Variants in PREP observed in about 807,000 individuals in gnomAD.
PREP encodes the protein prolyl endopeptidase.
Under a neutral mutation model 87.6 loss-of-function variants are expected in PREP, and 29 were observed. The observed-to-expected ratio is 0.33, with a 90% confidence interval of 0.25 to 0.45. The LOEUF is 0.45. PREP is among the 20% of genes least tolerant of loss of function. PREP has a pLI of 1.00. For synonymous variants in PREP, 337 were observed against 328.6 expected, an observed-to-expected ratio of 1.03 and a Z score of -0.28; for missense variants, 695 against 886.5, an observed-to-expected ratio of 0.78 and a Z score of 2.74.
At chr6:105,382,597 T>G (rs1175387176) in intron 2 of PREP, among the ~76,000 whole-genome samples, 1 of 152,058 alleles carries the variant, frequency 6.6e-6, no homozygotes, top group Non-Finnish European at 1.5e-5. Flanking sequence ...AATTACTCAT[T>G]AAATAAATAT....
intron 7 of PREP, among the ~76,000 whole-genome samples, chr6:105,343,170 C>A (rs951693708): frequency 5.3e-5 from 8 of 152,040 alleles, no homozygotes; most frequent in Admixed American, 2.0e-4. Context: ...TACTGGTACC[C>A]AAACAGAGAT....
intron 5 of PREP, among the ~76,000 whole-genome samples, 186 bp from the exon 6 acceptor site, chr6:105,369,210 A>G (rs1772473539): frequency 6.6e-6 from 1 of 152,244 alleles, no homozygotes; most frequent in Admixed American, 6.5e-5. Context: ...ATTAGAAACA[A>G]TACATTAGCA....
chr6:105,377,248 T>C, intron 3 of PREP, 138 bp downstream of exon 3: 3 of 1,004,032 alleles, frequency 3.0e-6, no homozygotes, highest in Non-Finnish European at 4.4e-6. Flanking sequence ...AATATTACTC[T>C]CATATTCAGG....
rs1207082381 is a variant in PREP at position 105,275,220 on chromosome 6, G to A, written c.*2924C>T. ...CTTCTGGGCATTAGCTATGTGGCCT[G>A]CTGGGAACTTCCAGAGGCTGGTAAA... On this transcript the variant is annotated 3_prime_UTR_variant, in exon 15 of 15. Coordinates refer to ENST00000652536, the MANE Select transcript of PREP (RefSeq NM_002726.5). Among the ~76,000 whole-genome samples, 1 of 152,230 alleles carries A rather than the reference G, an allele frequency of 6.6e-6. No homozygotes were observed. Among genetic ancestry groups the A allele is most frequent in the Admixed American group, 6.5e-5 (1 of 15,292 alleles).
chr6:105,390,058 A>G (rs925894687), intron 2 of PREP, among the ~76,000 whole-genome samples: 3 of 152,232 alleles, frequency 2.0e-5, no homozygotes, highest in Non-Finnish European at 4.4e-5. Context: ...AGAGATGATC[A>G]GAAGTCCTTT....
chr6:105,314,673 C>G (rs373219213), intron 10 of PREP, among the ~76,000 whole-genome samples: 143 of 152,340 alleles, frequency 9.4e-4, no homozygotes, highest in African/African-American at 3.3e-3. Flanking sequence ...TCTGCAGTGA[C>G]TTCCCCCATA....
intron 11 of PREP, among the ~76,000 whole-genome samples, chr6:105,286,816 T>G (rs1327399038): frequency 6.8e-6 from 1 of 147,272 alleles, no homozygotes; most frequent in African/African-American, 2.6e-5. Flanking sequence ...TGGTCTCTCC[T>G]GAGACTACTA....
intron 14 of PREP, chr6:105,280,694 G>A (rs1008518032): frequency 2.6e-5 from 4 of 151,692 alleles, no homozygotes; most frequent in Admixed American, 6.6e-5. Flanking sequence ...TTTCAGCCTC[G>A]CGAGTAGCTG....
chr6:105,283,093 A>G (rs1009660695), intron 12 of PREP, among the ~76,000 whole-genome samples: 1 of 152,208 alleles, frequency 6.6e-6, no homozygotes, highest in Non-Finnish European at 1.5e-5. Context: ...CCTCTGCAGG[A>G]GTCTGACATG....
Position 105,316,498 on chromosome 6 carries a change from C to T in PREP, c.1317+7167G>A, listed in dbSNP as rs375330846. ...GAGAATTATCAAAATGTGACAGACA[C>T]GAACTGAGCACATGCTGTTGGGAAA... On this transcript the variant is annotated intron_variant, in intron 10 of 14. Transcript: ENST00000652536. Among the ~76,000 whole-genome samples, 38 of 152,296 alleles carry T rather than the reference C, an allele frequency of 2.5e-4. No individual in the cohort carries two copies. The South Asian group carries it at 6.0e-3, about 24-fold the overall frequency.
At chr6:105,312,946 A>G (rs1273251833) in intron 10 of PREP, among the ~76,000 whole-genome samples, 1 of 152,200 alleles carries the variant, frequency 6.6e-6, no homozygotes, top group Non-Finnish European at 1.5e-5. Flanking sequence ...CAACACAGAC[A>G]ATGACAAGGA....
chr6:105,316,952 C>G (rs1770888366), intron 10 of PREP, among the ~76,000 whole-genome samples: 1 of 149,994 alleles, frequency 6.7e-6, no homozygotes, highest in Admixed American at 6.7e-5. Context: ...GCCATTTAGT[C>G]TAATTAATTT....
At chr6:105,334,176 T>C (rs1039091657) in intron 7 of PREP, among the ~76,000 whole-genome samples, 3 of 152,252 alleles carry the variant, frequency 2.0e-5, no homozygotes, top group Admixed American at 2.0e-4. Flanking sequence ...AAGTGATCCA[T>C]GTTAGTGCCC....
intron 10 of PREP, among the ~76,000 whole-genome samples, chr6:105,292,406 C>T (rs1355132057): frequency 1.3e-5 from 2 of 152,162 alleles, no homozygotes; most frequent in African/African-American, 4.8e-5. Flanking sequence ...TCTTGGGTGA[C>T]TAGATGTGCC....
At chr6:105,355,096 T>TG (rs1392618432) in intron 6 of PREP, among the ~76,000 whole-genome samples, 1 of 150,544 alleles carries the variant, frequency 6.6e-6, no homozygotes, top group African/African-American at 2.4e-5. Flanking sequence ...GTTGTAGTTT[T>TG]TTTTTTTTTT....
At chr6:105,343,031 A>G (rs1383073652) in intron 7 of PREP, among the ~76,000 whole-genome samples, 1 of 151,736 alleles carries the variant, frequency 6.6e-6, no homozygotes, top group African/African-American at 2.4e-5. Flanking sequence ...AACTACTTTA[A>G]AGTTCATATG....
Position 105,276,475 on chromosome 6 carries a change from T to G in PREP, c.*1669A>C, listed in dbSNP as rs1324191455. Reference sequence around the variant, plus strand: ...TGTACTTCACACCACACAGCTAGTCTAGGAAAGAGGCTGCCTCTGGCTTGA... The same window carrying G: ...TGTACTTCACACCACACAGCTAGTCGAGGAAAGAGGCTGCCTCTGGCTTGA... On this transcript the variant is annotated 3_prime_UTR_variant, in exon 15 of 15. Coordinates refer to ENST00000652536, the MANE Select transcript of PREP (RefSeq NM_002726.5). Among the ~76,000 whole-genome samples the G allele has an allele frequency of 1.3e-5, 2 of 152,236 alleles. No homozygotes were observed. Among genetic ancestry groups the G allele is most frequent in the African/African-American group, 4.8e-5 (2 of 41,464 alleles).
rs67107334 is a variant in PREP at position 105,397,185 on chromosome 6, C to CA, written c.120+667dup. Among the ~76,000 whole-genome samples the CA allele has an allele frequency of 7.0e-3, 610 of 86,838 alleles. 8 individuals are homozygous for CA. The highest frequency in any genetic ancestry group is 0.043 in the East Asian group (111 of 2,586). 57.0% of individuals were successfully genotyped at this position (86,838 alleles called of 152,430 possible). A position where few individuals can be genotyped will look rare whatever the true frequency, so the allele number is the denominator to read the frequency against. On this transcript the variant is annotated intron_variant, in intron 2 of 14. Transcript: ENST00000652536. The stretch of plus-strand genomic sequence containing the variant: ...GGGTGACAGAGTAAGACTCTGTCTA[C>CA]AAAAAAAAAAAAAAAAAGTATACAT...
chr6:105,333,826 C>A (rs1358948043), intron 7 of PREP, among the ~76,000 whole-genome samples: 2 of 152,194 alleles, frequency 1.3e-5, no homozygotes, highest in African/African-American at 4.8e-5. Context: ...TGCCATCACA[C>A]CATTCCAAGT....
Sources: allele counts gnomAD v4.1 joint callset (sites outside exome capture counted in the v4.1 genomes callset), GRCh38; gene constraint gnomAD v4.1.1; transcripts MANE v1.5; gene names NCBI Gene and HGNC (gene_info 2026-07-23, HGNC 2026-07-21).